Variants in DLEU7 observed in about 807,000 individuals in gnomAD.
DLEU7 encodes leukemia-associated protein 7.
A neutral mutation model predicts 16.0 loss-of-function variants in DLEU7; 17 were observed. The ratio of observed to expected loss-of-function variants is 1.06; its 90% CI spans 0.73 to 1.59. The LOEUF is 1.59. Among genes scored for constraint, DLEU7 ranks in the 40% most tolerant of loss-of-function variants. DLEU7 has a pLI of 0.00. For missense variants in DLEU7, 308 were observed against 314.9 expected, an observed-to-expected ratio of 0.98 and a Z score of 0.17; for synonymous variants, 113 against 139.8, an observed-to-expected ratio of 0.81 and a Z score of 1.35.
At chr13:50,836,811 T>C (rs1020219132) in intron 1 of DLEU7, among the ~76,000 whole-genome samples, 1 of 152,232 alleles carries the variant, frequency 6.6e-6, no homozygotes, top group Non-Finnish European at 1.5e-5. Flanking sequence ...AGTCCAGTGC[T>C]GGGCCCAACA....
chr13:50,777,765 G>A (rs891703509), intron 1 of DLEU7, among the ~76,000 whole-genome samples: 4 of 152,118 alleles, frequency 2.6e-5, no homozygotes, highest in African/African-American at 4.8e-5. Flanking sequence ...CCTAAGAAGC[G>A]TTGAGATGTC....
intron 1 of DLEU7, among the ~76,000 whole-genome samples, chr13:50,748,565 T>G (rs1199587006): frequency 6.6e-6 from 1 of 152,126 alleles, no homozygotes; most frequent in African/African-American, 2.4e-5. Flanking sequence ...TCACAAGCCA[T>G]GCGGGTGTCC....
At chr13:50,774,976 T>C (rs1875449564) in intron 1 of DLEU7, among the ~76,000 whole-genome samples, 1 of 152,094 alleles carries the variant, frequency 6.6e-6, no homozygotes. Context: ...GAAAATTTCC[T>C]TTTTTTCACC....
chr13:50,794,178 T>C (rs992209269), intron 1 of DLEU7, among the ~76,000 whole-genome samples: 12 of 152,204 alleles, frequency 7.9e-5, no homozygotes, highest in African/African-American at 2.9e-4. Context: ...TATTCACCAC[T>C]GTATCCTAGC....
intron 1 of DLEU7, among the ~76,000 whole-genome samples, chr13:50,764,746 C>T (rs1875048085): frequency 1.3e-5 from 2 of 152,158 alleles, no homozygotes; most frequent in South Asian, 4.1e-4. Context: ...CTTGAGTGTT[C>T]ACTCCATCAG....
At chr13:50,765,763 G>A (rs1020987482) in intron 1 of DLEU7, among the ~76,000 whole-genome samples, 1 of 152,034 alleles carries the variant, frequency 6.6e-6, no homozygotes, top group East Asian at 1.9e-4. Flanking sequence ...GCACTGTACT[G>A]GGAGCCAGCA....
exon 2 of DLEU7, chr13:50,713,231 G>A: frequency 6.2e-7 from 1 of 1,611,172 alleles, no homozygotes; most frequent in Non-Finnish European, 8.5e-7. Context: ...TCATTAGCCA[G>A]GAGTTGAAGC....
intron 1 of DLEU7, among the ~76,000 whole-genome samples, chr13:50,779,329 C>A (rs1398462503): frequency 6.6e-6 from 1 of 152,062 alleles, no homozygotes; most frequent in African/African-American, 2.4e-5. Context: ...CATAGTGTAC[C>A]AAAGTTTGAA....
At chr13:50,757,221 A>G (rs1874789751) in intron 1 of DLEU7, among the ~76,000 whole-genome samples, 1 of 152,160 alleles carries the variant, frequency 6.6e-6, no homozygotes, top group African/African-American at 2.4e-5. Flanking sequence ...CAGAGCTGCA[A>G]TCTAGTCCTG....
intron 1 of DLEU7, among the ~76,000 whole-genome samples, chr13:50,718,673 T>G (rs989071580): frequency 2.6e-5 from 4 of 152,256 alleles, no homozygotes; most frequent in African/African-American, 9.6e-5. Flanking sequence ...ACACTCTCTT[T>G]TGCTAAATAA....
intron 1 of DLEU7, among the ~76,000 whole-genome samples, chr13:50,841,295 G>A (rs1456097989): frequency 6.6e-6 from 1 of 152,102 alleles, no homozygotes; most frequent in Non-Finnish European, 1.5e-5. Context: ...GAACTTAACT[G>A]TAGTTCCTCT....
chr13:50,755,149 C>A (rs1292377120), intron 1 of DLEU7, among the ~76,000 whole-genome samples: 1 of 152,156 alleles, frequency 6.6e-6, no homozygotes, highest in Non-Finnish European at 1.5e-5. Context: ...ACTTTAGATA[C>A]CCTGATGACA....
intron 1 of DLEU7, among the ~76,000 whole-genome samples, chr13:50,739,942 A>G (rs946651180): frequency 2.0e-5 from 3 of 152,132 alleles, no homozygotes; most frequent in Non-Finnish European, 4.4e-5. Flanking sequence ...ATTAAATCAG[A>G]AATGGGTTAA....
chr13:50,731,129 G>A lies in DLEU7; in HGVS notation c.460-17889C>T, dbSNP rs568529641. On this transcript the variant is annotated intron_variant, in intron 1 of 1. Coordinates refer to the DLEU7 transcript ENST00000400393. ...ACCTCCTGTGACCAGAGTGGTCGTC[G>A]GCCAAGTCTTCATTTATGGAGAGTG... Among the ~76,000 whole-genome samples, 7 of 152,266 alleles carry A rather than the reference G, an allele frequency of 4.6e-5. No individual in the cohort carries two copies. In the East Asian group the frequency reaches 9.7e-4, roughly 21 times the overall value.
chr13:50,724,552 C>T lies in DLEU7; in HGVS notation c.460-11312G>A, dbSNP rs532934300. Among the ~76,000 whole-genome samples, 5 of 152,146 alleles carry T rather than the reference C, an allele frequency of 3.3e-5. No individual in the cohort carries two copies. In the South Asian group the frequency reaches 8.3e-4, roughly 25 times the overall value. ...CAACAAAAACAAAAATTAAAGGACT[C>T]CCCAAACAAGGTGAAAGTGAATTAG... is the stretch of plus-strand genomic sequence containing the variant. On this transcript the variant is annotated intron_variant, in intron 1 of 1. Transcript: ENST00000400393.
rs1874858230 is a variant in DLEU7 at position 50,759,373 on chromosome 13, G to C, written c.460-46133C>G. On this transcript the variant is annotated intron_variant, in intron 1 of 1. Coordinates refer to the DLEU7 transcript ENST00000400393. ...TGGCTTGATCCCAATGATCTCTTAG[G>C]CCTCCCACAGATTTAGAAGTTTATG... 2.0e-5 allele frequency among the ~76,000 whole-genome samples: 3 copies of C among 152,272 alleles called. No individual in the cohort carries two copies. The South Asian group carries it at 6.2e-4, about 32-fold the overall frequency.
intron 1 of DLEU7, among the ~76,000 whole-genome samples, chr13:50,714,351 T>C (rs931869932): frequency 2.0e-5 from 3 of 152,224 alleles, no homozygotes; most frequent in Non-Finnish European, 4.4e-5. Flanking sequence ...CTCCTTCTCC[T>C]GTCACCCAGC....
intron 1 of DLEU7, among the ~76,000 whole-genome samples, chr13:50,758,170 A>G (rs751948168): frequency 6.6e-6 from 1 of 151,912 alleles, no homozygotes; most frequent in South Asian, 2.1e-4. Flanking sequence ...CCTGGCCCCA[A>G]GATGTATTTT....
At chr13:50,839,774 C>G (rs1196722575) in intron 1 of DLEU7, among the ~76,000 whole-genome samples, 1 of 152,208 alleles carries the variant, frequency 6.6e-6, no homozygotes, top group Non-Finnish European at 1.5e-5. Context: ...CATGAGGCAT[C>G]AACCTGTTAA....
Sources: gnomAD v4.1 joint callset for allele counts (sites outside exome capture counted in the v4.1 genomes callset) on GRCh38, gnomAD v4.1.1 for gene constraint, MANE v1.5 for transcripts, NCBI Gene and HGNC (gene_info 2026-07-23, HGNC 2026-07-21) for gene names.